The following MOV10L1 variants were observed in gnomAD, a reference collection of about 807,000 sequenced individuals.
The protein encoded by MOV10L1 is RNA helicase Mov10l1.
Under a neutral mutation model 143.8 loss-of-function variants are expected in MOV10L1, and 110 were observed. The observed-to-expected ratio is 0.76, with a 90% CI of 0.66 to 0.90. The LOEUF (loss-of-function observed/expected upper bound fraction) is 0.90. Ranked by LOEUF, MOV10L1 falls within the 40% of genes least tolerant of loss-of-function variation. MOV10L1 has a pLI of 0.00. For missense variants in MOV10L1, 1,406 were observed against 1,526.8 expected (o/e 0.92, Z 1.32); for synonymous variants, 593 against 581.1 (o/e 1.02, Z -0.29).
At chr22:50,154,953 A>G (rs2063388992) in intron 22 of MOV10L1, among the ~76,000 whole-genome samples, 1 of 151,470 alleles carries the variant, frequency 6.6e-6, no homozygotes, top group Non-Finnish European at 1.5e-5. Flanking sequence ...TTTTATATTT[A>G]ATCCATTTTG....
At position 50,134,046 on chromosome 22, in the gene MOV10L1, C is replaced by T. The variant is rs753233477; in HGVS notation, c.1950C>T (p.Val650=). Residue 650 remains valine, a synonymous_variant, in exon 14 of 27, where the codon GTC becomes GTT. Transcript: ENST00000262794. ...SRRCHFALEH[V]IHLGVKVLFP... is the part of the protein sequence containing the mutation. ...GGTGTCACTTTGCACTTGAACACGT[C>T]ATCCACTTAGGTGTAAAAGGTATTA... is the stretch of plus-strand genomic sequence containing the variant. The T allele has an allele frequency of 6.2e-7, 1 of 1,611,622 alleles. No homozygotes were observed. Among genetic ancestry groups the T allele is most frequent in the Non-Finnish European group, 8.5e-7 (1 of 1,179,356 alleles).
intron 5 of MOV10L1, among the ~76,000 whole-genome samples, chr22:50,111,440 G>GA (rs2062018493): frequency 7.8e-6 from 1 of 128,728 alleles, no homozygotes; most frequent in Non-Finnish European, 1.6e-5. Context: ...TTCTGGCTGA[G>GA]TTTTTTCCTT....
intron 22 of MOV10L1, among the ~76,000 whole-genome samples, chr22:50,154,443 C>G (rs1289524517): frequency 2.6e-5 from 4 of 151,584 alleles, no homozygotes; most frequent in Non-Finnish European, 4.4e-5. Flanking sequence ...TGGCATGTGC[C>G]TTTGGTCCCG....
At chr22:50,120,303 A>G (rs369212497) in intron 9 of MOV10L1, among the ~76,000 whole-genome samples, 199 bp from the exon 10 acceptor site, 1 of 152,090 alleles carries the variant, frequency 6.6e-6, no homozygotes, top group East Asian at 1.9e-4. Flanking sequence ...CACTTGTGGG[A>G]ACTGTTTGAG....
chr22:50,156,263 G>T (rs188644819), intron 22 of MOV10L1, among the ~76,000 whole-genome samples: 114 of 151,886 alleles, frequency 7.5e-4, no homozygotes, highest in African/African-American at 2.7e-3. Flanking sequence ...CTACAGGCAT[G>T]CCCCACCACG....
intron 2 of MOV10L1, among the ~76,000 whole-genome samples, chr22:50,098,245 T>C (rs1028428667): frequency 7.0e-6 from 1 of 142,638 alleles, no homozygotes; most frequent in Non-Finnish European, 1.5e-5. Context: ...TTAATAATAA[T>C]TATTAAGATT....
intron 16 of MOV10L1, 53 bp downstream of exon 16, chr22:50,142,242 A>G: frequency 6.8e-7 from 1 of 1,471,190 alleles, no homozygotes; most frequent in South Asian, 1.2e-5. Flanking sequence ...TGTCGCCTGG[A>G]AAACGGGGAC....
In MOV10L1 at chr22:50,114,975, A is replaced by G. The variant is rs141008224; in HGVS notation, c.1127-139A>G. The G allele has an allele frequency of 1.7e-5, 16 of 935,408 alleles. No homozygotes were observed. The South Asian group carries it at 2.6e-4, about 15-fold the overall frequency. 57.9% of individuals were successfully genotyped at this position (935,408 alleles called of 1,614,324 possible). ...CTCTCTTTATGTTTTTCCAGCCACC[A>G]CCTGAGGCTTTGCCCCGTGTTTTTG... On this transcript the variant is annotated intron_variant, in intron 7 of 26. Coordinates refer to ENST00000262794, the MANE Select transcript of MOV10L1 (RefSeq NM_018995.3).
intron 1 of MOV10L1, 198 bp downstream of exon 1, chr22:50,090,383 C>T (rs992909805): frequency 6.5e-7 from 1 of 1,548,564 alleles, no homozygotes; most frequent in East Asian, 2.4e-5. Flanking sequence ...GCTCTGGGCG[C>T]CCGTCCTCTG....
At chr22:50,105,091 C>T (rs956038094) in intron 3 of MOV10L1, among the ~76,000 whole-genome samples, 5 of 152,056 alleles carry the variant, frequency 3.3e-5, no homozygotes, top group African/African-American at 7.2e-5. Flanking sequence ...AGGGTTTCAC[C>T]GCATTGCCCA....
chr22:50,122,394 A>T (rs1311515422), intron 10 of MOV10L1, among the ~76,000 whole-genome samples: 2 of 152,064 alleles, frequency 1.3e-5, no homozygotes, highest in African/African-American at 4.8e-5. Context: ...TTGTCCTTTG[A>T]TTTTGTACCC....
rs1217601973 is a variant in MOV10L1, at chr22:50,159,846, G to T, written c.3324+61G>T. The T allele has an allele frequency of 1.7e-6, 2 of 1,147,434 alleles. No individual in the cohort carries two copies. The highest frequency in any genetic ancestry group is 2.4e-5 in the East Asian group (1 of 42,052). 71.1% of individuals were successfully genotyped at this position (1,147,434 alleles called of 1,614,324 possible). ...AGGTGCTTGCTGCCCTGGGGGTTCT[G>T]GGGGCTTCAGATCTAAAGGGGCAGA... On this transcript the variant is annotated intron_variant, in intron 24 of 26. Transcript: ENST00000262794. This position sits in a 1 kb window ranked among gnomAD's most constrained non-coding sequence, Gnocchi z 4.1.
intron 3 of MOV10L1, among the ~76,000 whole-genome samples, chr22:50,103,250 C>G (rs2061790526): frequency 6.6e-6 from 1 of 152,250 alleles, no homozygotes; most frequent in Non-Finnish European, 1.5e-5. Context: ...TTGAACAGCA[C>G]TGTCCCCCAG....
intron 9 of MOV10L1, among the ~76,000 whole-genome samples, chr22:50,117,857 C>T (rs2062225263): frequency 6.6e-6 from 1 of 152,144 alleles, no homozygotes; most frequent in Non-Finnish European, 1.5e-5. Context: ...AGGGACCACC[C>T]AGATTTTAAC....
chr22:50,117,215 C>A lies in MOV10L1; in HGVS notation c.1318C>A (p.Arg440=), dbSNP rs41311449. ...LLCFSDFLIG[R]YLEVNVISGE... ...CTGTTTTTCCGATTTCCTAATTGGGCGATACCTTGAAGTAAATGTTATCAG... is the reference window on the plus strand; with the variant it reads ...CTGTTTTTCCGATTTCCTAATTGGGAGATACCTTGAAGTAAATGTTATCAG... The change falls in exon 9 of 27, where the codon CGA becomes AGA. Residue 440 remains arginine (R), a synonymous_variant. Coordinates refer to ENST00000262794, the MANE Select transcript of MOV10L1 (RefSeq NM_018995.3). 6.2e-7 allele frequency: 1 copy of A among 1,613,504 alleles called. No homozygotes were observed. The highest frequency in any genetic ancestry group is 2.2e-5 in the East Asian group (1 of 44,874).
chr22:50,097,334 C>G (rs967016549), intron 2 of MOV10L1, among the ~76,000 whole-genome samples: 3 of 152,132 alleles, frequency 2.0e-5, no homozygotes, highest in African/African-American at 7.2e-5. Flanking sequence ...GTCTCGAACT[C>G]CTGGGCTCAA....
At chr22:50,121,863 G>C (rs568949836) in intron 10 of MOV10L1, among the ~76,000 whole-genome samples, 1 of 152,292 alleles carries the variant, frequency 6.6e-6, no homozygotes, top group Non-Finnish European at 1.5e-5. Context: ...GAGTCCTCCA[G>C]CTTTGTTGTT....
Position 50,115,254 on chromosome 22 carries a change from C to T in MOV10L1, c.1259+8C>T. The T allele has an allele frequency of 1.3e-6, 2 of 1,508,854 alleles. No homozygotes were observed. Among genetic ancestry groups the T allele is most frequent in the Non-Finnish European group, 1.8e-6 (2 of 1,137,988 alleles). The allele number at this position is 1,508,854 out of a possible 1,614,324, so 93.5% of individuals were successfully genotyped here. On this transcript the variant is annotated splice_region_variant and intron_variant, in intron 8 of 26. Transcript: ENST00000262794. ...GGTCATCTGTGACGGAAAGTAAGGG[C>T]CTGGAGGTCTGGGGAGAGCCGCGTT...
rs371717596 is a variant in MOV10L1, at chr22:50,149,581, G to C, written c.2628-34G>C. The C allele has an allele frequency of 6.9e-6, 11 of 1,605,064 alleles. No homozygotes were observed. In the African/African-American group the frequency reaches 1.3e-4, roughly 20 times the overall value. ...AGGCATCAATTGCTAAAACAATTCG[G>C]CAGAAATTACCATTTAGAACATCTT... On this transcript the variant is annotated intron_variant, in intron 19 of 26. Coordinates refer to ENST00000262794, the MANE Select transcript of MOV10L1 (RefSeq NM_018995.3).
Sources: gnomAD v4.1 joint callset for allele counts (sites outside exome capture counted in the v4.1 genomes callset) on GRCh38, gnomAD v4.1.1 for gene constraint, Gnocchi (gnomAD v3.1) non-coding constraint, MANE v1.5 for transcripts, NCBI Gene and HGNC (gene_info 2026-07-23, HGNC 2026-07-21) for gene names.